The following RASA4 variants were observed in gnomAD, a reference collection of about 807,000 sequenced individuals.
RASA4 encodes ras GTPase-activating protein 4.
Under a neutral mutation model 24.0 loss-of-function variants are expected in RASA4, and 5 were observed. That is an observed-to-expected ratio of 0.21 (90% CI 0.11 to 0.44). The LOEUF (loss-of-function observed/expected upper bound fraction) is 0.44. RASA4 is among the 20% of genes least tolerant of loss of function. The pLI, the probability that RASA4 is intolerant of heterozygous loss-of-function variation, is 0.99. For missense variants in RASA4, 38 were observed against 293.0 expected, an observed-to-expected ratio of 0.13 and a Z score of 6.35; for synonymous variants, 9 against 132.7, an observed-to-expected ratio of 0.07 and a Z score of 6.41.
intron 4 of RASA4, among the ~76,000 whole-genome samples, chr7:102,608,268 C>CTT (rs1463625623): frequency 2.4e-4 from 17 of 69,948 alleles, no homozygotes; most frequent in African/African-American, 8.9e-4. Flanking sequence ...CGTGCCCGGC[C>CTT]TTTTTTTTAA....
rs1801453990 is a variant in RASA4, at chr7:102,579,904, A to C, written c.*2867T>G. ...ATAAACATTCCACTATGTAGCTCTG[A>C]AAGATAAGGACGCTTACAACACAAC... is the stretch of plus-strand genomic sequence containing the variant. On this transcript the variant is annotated 3_prime_UTR_variant, in exon 21 of 21. Coordinates refer to ENST00000262940, the MANE Select transcript of RASA4 (RefSeq NM_006989.6). The C allele has an allele frequency of 6.4e-6, 1 of 155,106 alleles. No homozygotes were observed. Among genetic ancestry groups the C allele is most frequent in the Non-Finnish European group, 1.4e-5 (1 of 70,060 alleles). The allele number at this position is 155,106 out of a possible 1,614,324, so 9.6% of individuals were successfully genotyped here.
rs760296778 is a variant in RASA4 at position 102,605,905 on chromosome 7, C to G, written c.381G>C (p.Trp127Cys). The part of the protein sequence containing the change: ...QGEIHLRLEV[W>C]PGARACRLRC... ...GTAGCCGGCAGGCCCGGGCCCCTGG[C>G]CACACTTCCAGCCGCAGGTGGATCT... The change falls in exon 5 of 21, where the codon TGG (tryptophan) becomes TGC (cysteine). Residue 127 changes from tryptophan to cysteine, a missense_variant. Physicochemically the swap from Trp to Cys is radical, Grantham distance 215 (BLOSUM62 -2). Transcript: ENST00000262940. The G allele has an allele frequency of 6.3e-7, 1 of 1,588,846 alleles. No homozygotes were observed. Among genetic ancestry groups the G allele is most frequent in the East Asian group, 2.3e-5 (1 of 44,000 alleles).
intron 16 of RASA4, among the ~76,000 whole-genome samples, chr7:102,590,880 C>T (rs1282083032): frequency 2.1e-5 from 3 of 139,764 alleles, no homozygotes; most frequent in South Asian, 2.2e-4. Context: ...GCGGAGGTTG[C>T]GGTGAGCCAA....
intron 8 of RASA4, among the ~76,000 whole-genome samples, chr7:102,597,627 T>C (rs1309979116): frequency 1.5e-5 from 2 of 136,074 alleles, no homozygotes; most frequent in Admixed American, 7.3e-5. Flanking sequence ...GATTTCACCA[T>C]GTTGGCCAGG....
chr7:102,599,627 C>T (rs2133464003), intron 8 of RASA4, among the ~76,000 whole-genome samples: 1 of 145,824 alleles, frequency 6.9e-6, no homozygotes, highest in South Asian at 2.2e-4. Flanking sequence ...CAGAGTGAGA[C>T]TCCATCTCAA....
At chr7:102,602,932 A>G (rs1217111921) in intron 5 of RASA4, among the ~76,000 whole-genome samples, 1 of 147,980 alleles carries the variant, frequency 6.8e-6, no homozygotes, top group East Asian at 2.0e-4. Context: ...ATGGGTCTTT[A>G]CACAGCCCTA....
chr7:102,587,057 A>G (rs200816987), intron 18 of RASA4, among the ~76,000 whole-genome samples: 408 of 13,370 alleles, frequency 0.031, 2 homozygotes, highest in Admixed American at 0.049. Context: ...AGATTGCACC[A>G]CTGCACTCCA....
intron 16 of RASA4, among the ~76,000 whole-genome samples, chr7:102,590,809 G>A (rs1262844702): frequency 1.6e-4 from 22 of 141,232 alleles, no homozygotes; most frequent in Admixed American, 1.0e-3. Flanking sequence ...GCATGGTGGC[G>A]CATGCCTGTA....
intron 8 of RASA4, among the ~76,000 whole-genome samples, chr7:102,598,413 CTT>C (rs754299214): frequency 3.4e-5 from 3 of 87,620 alleles, no homozygotes; most frequent in Non-Finnish European, 4.8e-5. Context: ...ACTGGGTGTT[CTT>C]TTTTTTTTTT....
chr7:102,606,395 C>CAAAAAAAA (rs555519087), intron 4 of RASA4, among the ~76,000 whole-genome samples: 58 of 55,494 alleles, frequency 1.0e-3, no homozygotes, highest in East Asian at 2.6e-3. Context: ...GACCCCATCT[C>CAAAAAAAA]AAAAAAAAAA....
In RASA4 at chr7:102,606,009, G is replaced by A. The variant is rs745612954; in HGVS notation, c.299-22C>T. 2,448 of 1,604,380 alleles carry A rather than the reference G, an allele frequency of 1.5e-3. No homozygotes were observed. In the East Asian group the frequency reaches 0.035, roughly 23 times the overall value. On this transcript the variant is annotated intron_variant, in intron 4 of 20. Transcript: ENST00000262940. The stretch of plus-strand genomic sequence containing the variant: ...AAACCTGTGGGGTCAGCTCAGCCAG[G>A]GACCCGGCCCTGAACCCCCATACCC...
rs1209102119 is a variant in RASA4, at chr7:102,593,205, A to AC, written c.1516-68dup. On this transcript the variant is annotated intron_variant, in intron 14 of 20. Coordinates refer to ENST00000262940, the MANE Select transcript of RASA4 (RefSeq NM_006989.6). ...GGGCCTAGCCACTGCACCCCCTCCCACCCCCCCTCCCCAAGTCTTTGCTAC... is the reference window on the plus strand; with the variant it reads ...GGGCCTAGCCACTGCACCCCCTCCCACCCCCCCCTCCCCAAGTCTTTGCTAC... 8.7e-5 allele frequency: 37 copies of AC among 423,706 alleles called. No individual in the cohort carries two copies. The African/African-American group carries it at 9.6e-4, about 11-fold the overall frequency. 26.2% of individuals were successfully genotyped at this position (423,706 alleles called of 1,614,324 possible).
chr7:102,614,039 A>G (rs2133495474), intron 1 of RASA4, among the ~76,000 whole-genome samples: 1 of 149,028 alleles, frequency 6.7e-6, no homozygotes, highest in Middle Eastern at 3.5e-3. Flanking sequence ...GTCTCAGTCA[A>G]GATGAGCCAC....
intron 1 of RASA4, among the ~76,000 whole-genome samples, chr7:102,613,418 GGGCTGCT>G (rs2133493394): frequency 1.1e-5 from 1 of 88,514 alleles, no homozygotes; most frequent in South Asian, 5.0e-4. Flanking sequence ...CCCCACTACT[GGGCTGCT>G]ACTGCTTCCA....
Position 102,596,191 on chromosome 7 carries a change from C to A in RASA4, c.738-62G>T, listed in dbSNP as rs1215980689. 360 of 1,251,480 alleles carry A rather than the reference C, an allele frequency of 2.9e-4. 28 individuals carry two copies. Among genetic ancestry groups the A allele is most frequent in the Non-Finnish European group, 3.9e-4 (347 of 879,364 alleles). 77.5% of individuals were successfully genotyped at this position (1,251,480 alleles called of 1,614,324 possible). A position where few individuals can be genotyped will look rare whatever the true frequency, so the allele number is the denominator to read the frequency against. Reference sequence around the variant, plus strand: ...TCAGGCCACCCTGGACCACACCACTCCCACGGCCTCCAGTTTTTTCCCTTG... The same window carrying A: ...TCAGGCCACCCTGGACCACACCACTACCACGGCCTCCAGTTTTTTCCCTTG... On this transcript the variant is annotated intron_variant, in intron 8 of 20. Transcript: ENST00000262940.
chr7:102,599,858 A>G lies in RASA4; in HGVS notation c.737+2T>C. ...GCCGGCTGCCCAGCTCCATGCACTTACTCGTCATGCCGCCGGCTCTTGGAC... is the reference window on the plus strand; with the variant it reads ...GCCGGCTGCCCAGCTCCATGCACTTGCTCGTCATGCCGCCGGCTCTTGGAC... On this transcript the variant is annotated splice_donor_variant, in intron 8 of 20. Transcript: ENST00000262940. LOFTEE classifies it high-confidence loss of function. The G allele has an allele frequency of 6.1e-6, 1 of 165,204 alleles. No homozygotes were observed. The allele number at this position is 165,204 out of a possible 1,614,324, so 10.2% of individuals were successfully genotyped here.
intron 8 of RASA4, among the ~76,000 whole-genome samples, chr7:102,597,661 T>C (rs1790278267): frequency 7.1e-6 from 1 of 140,072 alleles, no homozygotes; most frequent in Non-Finnish European, 1.6e-5. Flanking sequence ...CCTGATCTCA[T>C]GATCCACCCG....
chr7:102,591,966 T>C (rs1424159631), intron 16 of RASA4, among the ~76,000 whole-genome samples: 6 of 152,236 alleles, frequency 3.9e-5, no homozygotes, highest in African/African-American at 1.4e-4. Flanking sequence ...CCCGAGTAGC[T>C]GGGACTACAG....
At chr7:102,610,449 C>T (rs1234842491) in intron 2 of RASA4, among the ~76,000 whole-genome samples, 1 of 143,540 alleles carries the variant, frequency 7.0e-6, no homozygotes, top group African/African-American at 2.5e-5. Flanking sequence ...CAGCAAAGAC[C>T]CTGCCCAGAG....
Sources: allele counts gnomAD v4.1 joint callset (sites outside exome capture counted in the v4.1 genomes callset), GRCh38; gene constraint gnomAD v4.1.1; transcripts MANE v1.5; gene names NCBI Gene and HGNC (gene_info 2026-07-23, HGNC 2026-07-21).